The following NRP2 variants were observed in gnomAD, a reference collection of about 807,000 sequenced individuals.
NRP2 encodes the protein neuropilin-2.
Under a neutral mutation model 110.4 loss-of-function variants are expected in NRP2, and 52 were observed. The observed-to-expected ratio is 0.47, with a 90% CI of 0.38 to 0.59. NRP2 has a LOEUF of 0.59. NRP2 is among the 20% of genes least tolerant of loss of function. The pLI, the probability that NRP2 is intolerant of heterozygous loss-of-function variation, is 0.00. For missense variants in NRP2, 1,049 were observed against 1,203.0 expected (o/e 0.87, Z 1.89); for synonymous variants, 508 against 468.9 (o/e 1.08, Z -1.08).
At chr2:205,704,485 C>T (rs1016202381) in intron 2 of NRP2, among the ~76,000 whole-genome samples, 2 of 152,182 alleles carry the variant, frequency 1.3e-5, no homozygotes, top group African/African-American at 2.4e-5. Context: ...AACAATCCTC[C>T]TAATGACAGA....
intron 7 of NRP2, among the ~76,000 whole-genome samples, chr2:205,733,944 C>T (rs545695513): frequency 6.6e-6 from 1 of 152,260 alleles, no homozygotes; most frequent in Admixed American, 6.5e-5. Flanking sequence ...TAGCGGGCCC[C>T]GCAGGCCCAC....
chr2:205,746,754 C>T (rs75411216), intron 10 of NRP2, among the ~76,000 whole-genome samples: 3,463 of 152,298 alleles, frequency 0.023, 104 homozygotes, highest in African/African-American at 0.069. Context: ...GTACCTGTCA[C>T]GGGCTCAGCC....
chr2:205,689,867 C>A (rs1424421235), intron 1 of NRP2, among the ~76,000 whole-genome samples: 2 of 152,084 alleles, frequency 1.3e-5, no homozygotes, highest in Non-Finnish European at 2.9e-5. Flanking sequence ...CAGCTGAACT[C>A]AAAAAAGTCA....
At chr2:205,777,279 G>A (rs117667663) in intron 15 of NRP2, 234 of 357,940 alleles carry the variant, frequency 6.5e-4, no homozygotes, top group Middle Eastern at 4.5e-3. Context: ...CCAAGAGAAG[G>A]TTCCCCTAGC....
chr2:205,772,535 G>A (rs911650564), intron 15 of NRP2, among the ~76,000 whole-genome samples: 1 of 152,150 alleles, frequency 6.6e-6, no homozygotes, highest in Admixed American at 6.5e-5. Flanking sequence ...TCACACAATG[G>A]GAAAACTTTG....
At chr2:205,707,845 A>G (rs2056713784) in intron 2 of NRP2, among the ~76,000 whole-genome samples, 1 of 152,158 alleles carries the variant, frequency 6.6e-6, no homozygotes, top group South Asian at 2.1e-4. Flanking sequence ...GTAAAGGGGC[A>G]CTGCCAGCAC....
intron 12 of NRP2, chr2:205,762,056 C>T (rs1157993897): frequency 6.6e-6 from 1 of 152,210 alleles, no homozygotes; most frequent in Admixed American, 6.5e-5. Context: ...TATCCTCCCT[C>T]AGCAGACACC....
At chr2:205,787,077 T>G (rs982605637) in intron 15 of NRP2, among the ~76,000 whole-genome samples, 1 of 152,172 alleles carries the variant, frequency 6.6e-6, no homozygotes, top group Non-Finnish European at 1.5e-5. Flanking sequence ...ACCTTTCTCA[T>G]TTCCTTCCTG....
Position 205,683,288 on chromosome 2 carries a change from A to G in NRP2, c.-3A>G, listed in dbSNP as rs768615595. On this transcript the variant is annotated 5_prime_UTR_variant, in exon 1 of 17. Coordinates refer to ENST00000357785, the MANE Select transcript of NRP2 (RefSeq NM_003872.3). Reference sequence around the variant, plus strand: ...AGCTCTGGAAAGAGCCACCTTCTCCAAAATGGATATGTTTCCTCTCACCTG... The same window carrying G: ...AGCTCTGGAAAGAGCCACCTTCTCCGAAATGGATATGTTTCCTCTCACCTG... 6.2e-7 allele frequency: 1 copy of G among 1,612,476 alleles called. No homozygotes were observed. The highest frequency in any genetic ancestry group is 8.5e-7 in the Non-Finnish European group (1 of 1,178,776).
intron 2 of NRP2, among the ~76,000 whole-genome samples, chr2:205,698,299 G>A (rs849557): frequency 0.64 from 97,039 of 151,864 alleles, 32,926 homozygotes; most frequent in East Asian, 0.9. Context: ...GAGTCTCAAA[G>A]TCAGTGTCAT....
At chr2:205,773,290 G>A (rs1468633067) in intron 15 of NRP2, among the ~76,000 whole-genome samples, 2 of 152,246 alleles carry the variant, frequency 1.3e-5, no homozygotes, top group Non-Finnish European at 2.9e-5. Flanking sequence ...AGAGTTGCTT[G>A]TAGGGGATCA....
At position 205,796,124 on chromosome 2, in the gene NRP2, G is replaced by C. The variant is rs1303139228; in HGVS notation, c.*1066G>C. On this transcript the variant is annotated 3_prime_UTR_variant, in exon 17 of 17. Coordinates refer to ENST00000357785, the MANE Select transcript of NRP2 (RefSeq NM_003872.3). Reference sequence around the variant, plus strand: ...TAACTGGTCACCACTGGACGGGAAGGAGAACAGAGGAGAGGGAAAGAGAAG... The same window carrying C: ...TAACTGGTCACCACTGGACGGGAAGCAGAACAGAGGAGAGGGAAAGAGAAG... 1 of 152,196 alleles carries C rather than the reference G, an allele frequency of 6.6e-6. No homozygotes were observed. Among genetic ancestry groups the C allele is most frequent in the African/African-American group, 2.4e-5 (1 of 41,448 alleles). The allele number at this position is 152,196 out of a possible 1,614,324, so 9.4% of individuals were successfully genotyped here. A position where few individuals can be genotyped will look rare whatever the true frequency, so the allele number is the denominator to read the frequency against.
At chr2:205,792,566 T>G (rs1017132668) in intron 16 of NRP2, among the ~76,000 whole-genome samples, 1 of 152,202 alleles carries the variant, frequency 6.6e-6, no homozygotes, top group Non-Finnish European at 1.5e-5. Flanking sequence ...AATAAACCCT[T>G]TACAAGTGAA....
intron 10 of NRP2, among the ~76,000 whole-genome samples, chr2:205,747,589 G>A (rs1158606220): frequency 1.3e-5 from 2 of 152,148 alleles, no homozygotes; most frequent in African/African-American, 4.8e-5. Flanking sequence ...TGACCTATTC[G>A]ACGGATTCCA....
intron 15 of NRP2, among the ~76,000 whole-genome samples, chr2:205,780,324 C>T (rs944643884): frequency 6.6e-6 from 1 of 152,200 alleles, no homozygotes; most frequent in Admixed American, 6.5e-5. Flanking sequence ...CAGAGTGGAA[C>T]ATTTTATGAA....
intron 8 of NRP2, 31 bp from the exon 9 acceptor site, chr2:205,743,172 G>T: frequency 6.2e-7 from 1 of 1,605,450 alleles, no homozygotes; most frequent in Non-Finnish European, 8.5e-7. Flanking sequence ...TGTCAGCCAT[G>T]ACCTCTTGTA....
intron 2 of NRP2, among the ~76,000 whole-genome samples, chr2:205,699,078 C>T (rs1211294686): frequency 1.3e-5 from 2 of 152,194 alleles, no homozygotes; most frequent in Non-Finnish European, 2.9e-5. Context: ...CAAAGGGTTT[C>T]CCGGATGAAT....
Position 205,722,718 on chromosome 2 carries a change from G to A in NRP2, c.664+10G>A, listed in dbSNP as rs763424799. On this transcript the variant is annotated intron_variant, in intron 4 of 16. Transcript: ENST00000357785. ...GATGGCATTCCACATGGTGAGTGAT[G>A]TCATGAGGCATTCCTCAGTAGCTTG... 6.2e-7 allele frequency: 1 copy of A among 1,608,204 alleles called. No individual in the cohort carries two copies. Among genetic ancestry groups the A allele is most frequent in the South Asian group, 1.1e-5 (1 of 90,952 alleles).
chr2:205,703,856 C>T (rs2056614985), intron 2 of NRP2, among the ~76,000 whole-genome samples: 1 of 152,188 alleles, frequency 6.6e-6, no homozygotes, highest in South Asian at 2.1e-4. Context: ...TAAGGGTAGA[C>T]TAAAAGGGGC....
Sources: allele counts gnomAD v4.1 joint callset (sites outside exome capture counted in the v4.1 genomes callset), GRCh38; gene constraint gnomAD v4.1.1; transcripts MANE v1.5; gene names NCBI Gene and HGNC (gene_info 2026-07-23, HGNC 2026-07-21).